ATP9B: variants seen among roughly 807,000 people sequenced by gnomAD.
ATP9B encodes probable phospholipid-transporting ATPase IIB.
A neutral mutation model predicts 146.1 loss-of-function variants in ATP9B; 110 were observed. The observed-to-expected ratio is 0.75, with a 90% CI of 0.65 to 0.88. The LOEUF is 0.88. Among genes scored for constraint, ATP9B ranks in the 40% least tolerant of loss-of-function variants. The pLI, the probability that ATP9B is intolerant of heterozygous loss-of-function variation, is 0.00. For synonymous variants in ATP9B, 604 were observed against 569.7 expected, an observed-to-expected ratio of 1.06 and a Z score of -0.86; for missense variants, 1,499 against 1,496.4, an observed-to-expected ratio of 1.00 and a Z score of -0.03.
At chr18:79,103,124 C>T (rs1228472248) in intron 2 of ATP9B, among the ~76,000 whole-genome samples, 4 of 152,270 alleles carry the variant, frequency 2.6e-5, no homozygotes, top group Admixed American at 6.5e-5. Flanking sequence ...CTGGCTGGAA[C>T]GTACAGCATT....
At chr18:79,232,814 AAATGAT>A (rs1324491247) in intron 11 of ATP9B, among the ~76,000 whole-genome samples, 2 of 152,238 alleles carry the variant, frequency 1.3e-5, no homozygotes, top group Non-Finnish European at 2.9e-5. Flanking sequence ...CGAGAAACCA[AAATGAT>A]GGTAACAGAA....
chr18:79,372,632 AC>A, intron 26 of ATP9B, 192 bp from the exon 27 acceptor site: 1 of 674,934 alleles, frequency 1.5e-6, no homozygotes. Flanking sequence ...CACGTGTGGG[AC>A]CCAGGCAGCT....
chr18:79,077,767 T>C (rs115653376), intron 1 of ATP9B, among the ~76,000 whole-genome samples: 4,290 of 151,884 alleles, frequency 0.028, 218 homozygotes, highest in African/African-American at 0.097. Context: ...CATAAGAGAG[T>C]CCTCTCTACT....
chr18:79,354,086 G>A (rs1268586391), intron 25 of ATP9B: 4 of 152,076 alleles, frequency 2.6e-5, no homozygotes, highest in East Asian at 3.9e-4. Flanking sequence ...AAAATAGAAC[G>A]GTCTGCATTT....
In ATP9B at chr18:79,346,444, G is replaced by A. The variant is rs528299462; in HGVS notation, c.2682+605G>A. Among the ~76,000 whole-genome samples the A allele has an allele frequency of 2.6e-3, 387 of 150,524 alleles. 3 individuals carry two copies. Among genetic ancestry groups the A allele is most frequent in the African/African-American group, 9.0e-3 (366 of 40,818 alleles). ...CAGCGCACGTCAGCACGTGCTCAGC[G>A]CACAGTCAGCACACATTCGGCACAC... On this transcript the variant is annotated intron_variant, in intron 23 of 29. Transcript: ENST00000426216.
chr18:79,096,966 T>A (rs2074835411), intron 2 of ATP9B, among the ~76,000 whole-genome samples: 1 of 152,082 alleles, frequency 6.6e-6, no homozygotes. Context: ...GAGACCAGCC[T>A]GGACAACATG....
intron 4 of ATP9B, among the ~76,000 whole-genome samples, chr18:79,123,740 T>C (rs2094230282): frequency 6.6e-6 from 1 of 152,198 alleles, no homozygotes; most frequent in African/African-American, 2.4e-5. Flanking sequence ...ATCAGTGTAA[T>C]TGAGAGTCCA....
chr18:79,375,096 G>A (rs180900988), intron 28 of ATP9B, among the ~76,000 whole-genome samples: 14 of 152,208 alleles, frequency 9.2e-5, no homozygotes, highest in Non-Finnish European at 7.3e-5. Flanking sequence ...GCCCTCCAGC[G>A]CGTGCGCCTT....
chr18:79,201,855 A>G (rs993705473), intron 9 of ATP9B, among the ~76,000 whole-genome samples: 7 of 152,064 alleles, frequency 4.6e-5, no homozygotes, highest in Admixed American at 6.6e-5. Flanking sequence ...CACTGTGCCC[A>G]GCCCCTGATT....
chr18:79,204,854 A>G (rs1274889421), intron 9 of ATP9B, among the ~76,000 whole-genome samples: 4 of 152,154 alleles, frequency 2.6e-5, no homozygotes, highest in African/African-American at 7.2e-5. Flanking sequence ...CTGAGATCAT[A>G]TTGTAGATGA....
At chr18:79,346,055 G>A (rs149317199) in intron 23 of ATP9B, among the ~76,000 whole-genome samples, 4 of 145,336 alleles carry the variant, frequency 2.8e-5, no homozygotes, top group East Asian at 2.1e-4. Flanking sequence ...GTACACGCTC[G>A]GTCGGCGCAC....
intron 15 of ATP9B, among the ~76,000 whole-genome samples, chr18:79,327,592 C>T (rs1360950752): frequency 1.9e-4 from 22 of 118,052 alleles, no homozygotes; most frequent in African/African-American, 5.4e-4. Flanking sequence ...CCGTGGTTAA[C>T]GTGCCCTCCG....
At chr18:79,183,563 C>T (rs2095273430) in intron 8 of ATP9B, among the ~76,000 whole-genome samples, 1 of 151,938 alleles carries the variant, frequency 6.6e-6, no homozygotes, top group Non-Finnish European at 1.5e-5. Context: ...TCCAATGTTT[C>T]TAAATACTTC....
At chr18:79,309,550 C>A (rs2096640603) in intron 15 of ATP9B, among the ~76,000 whole-genome samples, 1 of 121,154 alleles carries the variant, frequency 8.3e-6, no homozygotes, top group South Asian at 2.7e-4. Flanking sequence ...GTGGAGTGAT[C>A]CCCAGCAGGT....
chr18:79,289,544 T>C (rs754397415), intron 13 of ATP9B, among the ~76,000 whole-genome samples: 4 of 152,234 alleles, frequency 2.6e-5, no homozygotes, highest in African/African-American at 7.2e-5. Flanking sequence ...TTTTAACTTC[T>C]TTGCCTTTGG....
chr18:79,181,195 T>C (rs1272206344), intron 8 of ATP9B, among the ~76,000 whole-genome samples: 1 of 152,208 alleles, frequency 6.6e-6, no homozygotes, highest in Admixed American at 6.5e-5. Flanking sequence ...ATGGCATCCA[T>C]AGTCCTGAAA....
At chr18:79,087,574 A>C (rs1191810432) in intron 1 of ATP9B, 1 of 152,238 alleles carries the variant, frequency 6.6e-6, no homozygotes. Flanking sequence ...AGCTTTGAGC[A>C]TTAGACATGT....
intron 17 of ATP9B, among the ~76,000 whole-genome samples, chr18:79,334,080 G>A (rs146313906): frequency 5.6e-4 from 85 of 152,304 alleles, no homozygotes; most frequent in Non-Finnish European, 1.1e-3. Flanking sequence ...CTGCTAGGCT[G>A]GGCGCGGTGG....
At chr18:79,359,647 A>G (rs2096975717) in intron 26 of ATP9B, 185 bp downstream of exon 26, 4 of 580,972 alleles carry the variant, frequency 6.9e-6, no homozygotes, top group African/African-American at 3.7e-5. Flanking sequence ...TTAAACTTCA[A>G]AAGGGGAAAA....
Sources: gnomAD v4.1 joint callset for allele counts (sites outside exome capture counted in the v4.1 genomes callset) on GRCh38, gnomAD v4.1.1 for gene constraint, MANE v1.5 for transcripts, NCBI Gene and HGNC (gene_info 2026-07-23, HGNC 2026-07-21) for gene names.